FBXO11: variants seen among roughly 807,000 people sequenced by gnomAD.
The protein encoded by FBXO11 is F-box protein 11, also known as F-box only protein 11.
Under a neutral mutation model 117.0 loss-of-function variants are expected in FBXO11, and 13 were observed. That is an observed-to-expected ratio of 0.11 (90% CI 0.07 to 0.18). The LOEUF (loss-of-function observed/expected upper bound fraction) is 0.18. Ranked by LOEUF, FBXO11 falls within the 10% of genes least tolerant of loss-of-function variation. The pLI is 1.00. For synonymous variants in FBXO11, 490 were observed against 380.5 expected, an observed-to-expected ratio of 1.29 and a Z score of -3.35; for missense variants, 767 against 1,164.4, an observed-to-expected ratio of 0.66 and a Z score of 4.97.
intron 1 of FBXO11, among the ~76,000 whole-genome samples, chr2:47,847,479 C>T (rs973197536): frequency 3.3e-5 from 5 of 152,026 alleles, no homozygotes; most frequent in East Asian, 3.9e-4. Flanking sequence ...GAGGCCAAGA[C>T]GGGAGGATCA....
chr2:47,848,931 T>C (rs934516672), intron 1 of FBXO11, among the ~76,000 whole-genome samples: 2 of 152,200 alleles, frequency 1.3e-5, no homozygotes, highest in Non-Finnish European at 2.9e-5. Flanking sequence ...GTTATAAAGT[T>C]AAGAGTAGTT....
At chr2:47,818,511 G>C (rs1436553022) in intron 16 of FBXO11, 9 of 333,772 alleles carry the variant, frequency 2.7e-5, no homozygotes, top group Non-Finnish European at 1.6e-5. Context: ...AAGTATGAAG[G>C]ATCATATTGG....
chr2:47,811,488 G>GT (rs1467568448), intron 18 of FBXO11: 1 of 152,212 alleles, frequency 6.6e-6, no homozygotes, highest in Non-Finnish European at 1.5e-5. Context: ...AAGTGCTGGG[G>GT]TTACAGGCAT....
Position 47,902,910 on chromosome 2 carries a change from G to A in FBXO11, c.232+2579C>T, listed in dbSNP as rs578054527. Among the ~76,000 whole-genome samples the A allele has an allele frequency of 1.0e-3, 150 of 149,194 alleles. 1 individual carries two copies. Among genetic ancestry groups the A allele is most frequent in the Middle Eastern group, 3.4e-3 (1 of 290 alleles). On this transcript the variant is annotated intron_variant, in intron 1 of 22. Coordinates refer to ENST00000403359, the MANE Select transcript of FBXO11 (RefSeq NM_001190274.2). ...AATGTTACATATCCATTAAGAGTTA[G>A]TAAAAGGTTAAAAAAAAAAAAACAA...
At chr2:47,826,033 G>A (rs1016731456) in intron 11 of FBXO11, among the ~76,000 whole-genome samples, 1 of 151,906 alleles carries the variant, frequency 6.6e-6, no homozygotes, top group Admixed American at 6.6e-5. Flanking sequence ...ATTTTACAGA[G>A]TTAAGAGACT....
chr2:47,835,890 T>C lies in FBXO11; in HGVS notation c.699A>G (p.Lys233=). The C allele has an allele frequency of 3.1e-6, 5 of 1,607,752 alleles. No homozygotes were observed. Reference sequence around the variant, plus strand: ...TTCATACCAACTGCTGGAAACTCTCTTTCCAGGGATTTGGATGTTCATACT... The same window carrying C: ...TTCATACCAACTGCTGGAAACTCTCCTTCCAGGGATTTGGATGTTCATACT... ...PEEYEHPNPW[K]ESFQQLYKGA... Residue 233 remains lysine, a synonymous_variant, in exon 5 of 23, where the codon AAA becomes AAG. Coordinates refer to ENST00000403359, the MANE Select transcript of FBXO11 (RefSeq NM_001190274.2).
At chr2:47,848,242 C>G (rs566274466) in intron 1 of FBXO11, among the ~76,000 whole-genome samples, 4 of 152,158 alleles carry the variant, frequency 2.6e-5, no homozygotes, top group African/African-American at 9.7e-5. Flanking sequence ...CAGTTAGGAA[C>G]TGGGCCACCC....
In FBXO11 at chr2:47,806,920, T is replaced by C; in HGVS notation, c.*1198A>G. 1 of 1,216,068 alleles carries C rather than the reference T, an allele frequency of 8.2e-7. No homozygotes were observed. The highest frequency in any genetic ancestry group is 1.2e-6 in the Non-Finnish European group (1 of 826,298). 75.3% of individuals were successfully genotyped at this position (1,216,068 alleles called of 1,614,324 possible). A position where few individuals can be genotyped will look rare whatever the true frequency, so the allele number is the denominator to read the frequency against. Reference sequence around the variant, plus strand: ...ACAAAGGTGGTAAATTCAGACAACATTATGATCTAATAAACTTTATTTTTT... The same window carrying C: ...ACAAAGGTGGTAAATTCAGACAACACTATGATCTAATAAACTTTATTTTTT... On this transcript the variant is annotated 3_prime_UTR_variant, in exon 23 of 23. Coordinates refer to ENST00000403359, the MANE Select transcript of FBXO11 (RefSeq NM_001190274.2).
At chr2:47,810,854 T>C (rs1670562727) in intron 18 of FBXO11, 1 of 153,272 alleles carries the variant, frequency 6.5e-6, no homozygotes, top group African/African-American at 2.4e-5. Context: ...CCTGATGAGT[T>C]TCCTTTATTC....
At chr2:47,830,540 C>A (rs939340668) in intron 11 of FBXO11, among the ~76,000 whole-genome samples, 2 of 151,788 alleles carry the variant, frequency 1.3e-5, no homozygotes, top group African/African-American at 4.8e-5. Context: ...ATATTTTAAA[C>A]CTTTGCAAAA....
chr2:47,879,454 A>G (rs780875175), intron 1 of FBXO11, among the ~76,000 whole-genome samples: 5 of 152,192 alleles, frequency 3.3e-5, no homozygotes, highest in Non-Finnish European at 7.3e-5. Context: ...TTTTTGCCTA[A>G]TAAGGGAACT....
chr2:47,827,326 T>C (rs1319253930), intron 11 of FBXO11, among the ~76,000 whole-genome samples: 1 of 152,188 alleles, frequency 6.6e-6, no homozygotes, highest in Non-Finnish European at 1.5e-5. Flanking sequence ...TGTTTTTGTT[T>C]TTGAGACAGA....
At chr2:47,829,488 G>A (rs1672023493) in intron 11 of FBXO11, among the ~76,000 whole-genome samples, 1 of 151,934 alleles carries the variant, frequency 6.6e-6, no homozygotes, top group Admixed American at 6.6e-5. Context: ...TGATCTGCCT[G>A]CTCGGCCTCC....
Position 47,823,204 on chromosome 2 carries a change from T to C in FBXO11, c.1555A>G (p.Lys519Glu). Residue 519 changes from lysine (K) to glutamate (E), a missense_variant, in exon 12 of 23, where the codon AAA becomes GAA. Transcript: ENST00000403359. ...CCTGCAAAGTTGTTTGCATAGATTT[T>C]ATTCTCTATGAATTGTCCTCTTCCT... The part of the protein sequence containing the change: ...EKGRGQFIEN[K>E]IYANNFAGVW... The C allele has an allele frequency of 6.2e-7, 1 of 1,614,160 alleles. No individual in the cohort carries two copies. Among genetic ancestry groups the C allele is most frequent in the Non-Finnish European group, 8.5e-7 (1 of 1,180,008 alleles).
rs200208204 is a variant in FBXO11, at chr2:47,838,843, A to G, written c.587+16T>C. ...ATAACATATCTCAAGTTAATAAGGA[A>G]TAGGTTTTTACTTACCACAAAATTG... On this transcript the variant is annotated intron_variant, in intron 4 of 22. Coordinates refer to ENST00000403359, the MANE Select transcript of FBXO11 (RefSeq NM_001190274.2). 143 of 1,605,624 alleles carry G rather than the reference A, an allele frequency of 8.9e-5. No individual in the cohort carries two copies. In the African/African-American group the frequency reaches 1.8e-3, roughly 20 times the overall value.
intron 1 of FBXO11, among the ~76,000 whole-genome samples, chr2:47,894,134 A>G (rs1358719413): frequency 6.6e-6 from 1 of 152,218 alleles, no homozygotes; most frequent in East Asian, 1.9e-4. Flanking sequence ...ATGTGCCACT[A>G]GCACTTTAGT....
intron 1 of FBXO11, among the ~76,000 whole-genome samples, chr2:47,896,426 C>T (rs1247582324): frequency 2.0e-5 from 3 of 151,862 alleles, no homozygotes; most frequent in Admixed American, 6.6e-5. Context: ...ACCTCCCTGG[C>T]TCAGATGATC....
At chr2:47,850,236 C>T (rs1362176157) in intron 1 of FBXO11, among the ~76,000 whole-genome samples, 1 of 152,046 alleles carries the variant, frequency 6.6e-6, no homozygotes, top group Non-Finnish European at 1.5e-5. Flanking sequence ...GTGCCATGTA[C>T]TAAGGCAGTG....
chr2:47,828,609 CAAA>C (rs536847210), intron 11 of FBXO11, among the ~76,000 whole-genome samples: 2 of 98,710 alleles, frequency 2.0e-5, no homozygotes, highest in African/African-American at 3.9e-5. Context: ...ACTCTTGTCT[CAAA>C]AAAAAAAAAA....
Sources: allele counts gnomAD v4.1 joint callset (sites outside exome capture counted in the v4.1 genomes callset), GRCh38; gene constraint gnomAD v4.1.1; transcripts MANE v1.5; gene names NCBI Gene and HGNC (gene_info 2026-07-23, HGNC 2026-07-21).